The following ZNRF2 variants were observed in gnomAD, a reference collection of about 807,000 sequenced individuals.
The protein encoded by ZNRF2 is E3 ubiquitin-protein ligase ZNRF2.
A neutral mutation model predicts 20.4 loss-of-function variants in ZNRF2; 16 were observed. The observed-to-expected ratio is 0.79, with a 90% CI of 0.53 to 1.19. ZNRF2 has a LOEUF of 1.19. Ranked by LOEUF, ZNRF2 falls within the 50% of genes most tolerant of loss-of-function variation. The pLI is 0.00. For missense variants in ZNRF2, 363 were observed against 332.4 expected, an observed-to-expected ratio of 1.09 and a Z score of -0.72; for synonymous variants, 178 against 144.9, an observed-to-expected ratio of 1.23 and a Z score of -1.64.
At chr7:30,333,755 G>T (rs1027384744) in intron 2 of ZNRF2, among the ~76,000 whole-genome samples, 10 of 152,188 alleles carry the variant, frequency 6.6e-5, no homozygotes, top group African/African-American at 2.4e-4. Flanking sequence ...CTGATGATTA[G>T]TGGTGATAAA....
intron 1 of ZNRF2, among the ~76,000 whole-genome samples, chr7:30,290,974 A>G (rs1798896581): frequency 6.6e-6 from 1 of 152,236 alleles, no homozygotes; most frequent in Admixed American, 6.5e-5. Flanking sequence ...TGTGATCATT[A>G]TACAATGCAA....
rs556478659 is a variant in ZNRF2 at position 30,324,425 on chromosome 7, T to C, written c.565+688T>C. On this transcript the variant is annotated intron_variant, in intron 2 of 4. Transcript: ENST00000323037. ...TTAGCTGGGTGTGGTGGTGCACACC[T>C]GAAATCCTAGCTACTCGGGAGGCTG... Among the ~76,000 whole-genome samples, 606 of 151,188 alleles carry C rather than the reference T, an allele frequency of 4.0e-3. 4 individuals are homozygous for C. In the Middle Eastern group the frequency reaches 0.048, roughly 12 times the overall value.
intron 1 of ZNRF2, among the ~76,000 whole-genome samples, chr7:30,308,406 T>C (rs1799241690): frequency 6.6e-6 from 1 of 152,230 alleles, no homozygotes; most frequent in African/African-American, 2.4e-5. Flanking sequence ...CACAGATTTC[T>C]TTAGGACAGT....
intron 1 of ZNRF2, among the ~76,000 whole-genome samples, chr7:30,296,560 C>T (rs1361813317): frequency 1.3e-5 from 2 of 152,126 alleles, no homozygotes; most frequent in African/African-American, 2.4e-5. Flanking sequence ...GCTTCAACAC[C>T]CTTCAGTCTG....
intron 1 of ZNRF2, among the ~76,000 whole-genome samples, chr7:30,323,309 T>C (rs1356720861): frequency 1.3e-5 from 2 of 152,188 alleles, no homozygotes; most frequent in Non-Finnish European, 2.9e-5. Flanking sequence ...ACAAAGCTTG[T>C]AATAACATGA....
intron 1 of ZNRF2, among the ~76,000 whole-genome samples, chr7:30,298,540 C>T (rs1251777938): frequency 1.3e-5 from 2 of 152,172 alleles, no homozygotes; most frequent in African/African-American, 2.4e-5. Flanking sequence ...AATACACAAT[C>T]GTTTATGCTA....
At chr7:30,362,935 G>T (rs1417525260) in intron 4 of ZNRF2, among the ~76,000 whole-genome samples, 1 of 152,062 alleles carries the variant, frequency 6.6e-6, no homozygotes, top group African/African-American at 2.4e-5. Context: ...TGGCTAACAC[G>T]GTGAAACCCC....
intron 2 of ZNRF2, among the ~76,000 whole-genome samples, chr7:30,336,738 G>C (rs1474371563): frequency 3.9e-5 from 6 of 152,082 alleles, no homozygotes; most frequent in Non-Finnish European, 7.4e-5. Context: ...AGAGAAAGCT[G>C]TCCATACTTC....
At chr7:30,317,741 A>G (rs1167117479) in intron 1 of ZNRF2, among the ~76,000 whole-genome samples, 1 of 152,220 alleles carries the variant, frequency 6.6e-6, no homozygotes, top group African/African-American at 2.4e-5. Context: ...GGCACTTTTG[A>G]TGTCTTTCCA....
At chr7:30,349,407 T>C (rs541870841) in intron 2 of ZNRF2, among the ~76,000 whole-genome samples, 6 of 152,258 alleles carry the variant, frequency 3.9e-5, no homozygotes, top group Admixed American at 6.5e-5. Flanking sequence ...TCAGACTCCC[T>C]TCTTGCGAAT....
intron 4 of ZNRF2, among the ~76,000 whole-genome samples, chr7:30,363,086 A>C (rs1002259188): frequency 1.3e-5 from 2 of 152,086 alleles, no homozygotes; most frequent in Admixed American, 1.3e-4. Flanking sequence ...GTGCCACTGC[A>C]CTCTAGCCTG....
At chr7:30,323,231 T>C (rs568345027) in intron 1 of ZNRF2, among the ~76,000 whole-genome samples, 27 of 151,650 alleles carry the variant, frequency 1.8e-4, no homozygotes, top group Non-Finnish European at 3.8e-4. Flanking sequence ...TGTTTAGCTA[T>C]AAAACTTGTG....
intron 1 of ZNRF2, among the ~76,000 whole-genome samples, chr7:30,307,950 G>A (rs1460668642): frequency 3.9e-5 from 6 of 152,086 alleles, no homozygotes; most frequent in East Asian, 3.8e-4. Context: ...AAATGGAAGA[G>A]TAGAGTTAGA....
chr7:30,337,622 G>A (rs577940697), intron 2 of ZNRF2, among the ~76,000 whole-genome samples: 88 of 152,122 alleles, frequency 5.8e-4, no homozygotes, highest in Non-Finnish European at 3.1e-4. Context: ...CTATTCGTTC[G>A]TACAAACATG....
intron 1 of ZNRF2, among the ~76,000 whole-genome samples, chr7:30,320,944 A>G (rs1258321558): frequency 3.3e-5 from 5 of 152,194 alleles, no homozygotes; most frequent in African/African-American, 1.2e-4. Flanking sequence ...TTAATAGTCA[A>G]GGATTTTGAT....
Position 30,318,310 on chromosome 7 carries a change from A to G in ZNRF2, c.470-5332A>G, listed in dbSNP as rs911231033. Among the ~76,000 whole-genome samples, 5 of 152,276 alleles carry G rather than the reference A, an allele frequency of 3.3e-5. 1 individual carries two copies. The Middle Eastern group carries it at 0.01, about 311-fold the overall frequency. ...TGGTTACCTTTATTTCTCTTTGGAT[A>G]TAGTGATTGAGAGGATCAGTTCTTC... On this transcript the variant is annotated intron_variant, in intron 1 of 4. Transcript: ENST00000323037.
Position 30,285,467 on chromosome 7 carries a change from G to A in ZNRF2, c.110G>A (p.Gly37Asp). The A allele has an allele frequency of 8.9e-7, 1 of 1,121,236 alleles. No homozygotes were observed. The highest frequency in any genetic ancestry group is 2.4e-5 in the South Asian group (1 of 41,780). The allele number at this position is 1,121,236 out of a possible 1,614,324, so 69.5% of individuals were successfully genotyped here. ...SSGGANGTAG[G>D]GGGARAAAAG... Reference sequence around the variant, plus strand: ...GGAGGCGCCAATGGGACCGCGGGCGGCGGCGGGGGCGCTCGGGCCGCCGCC... The same window carrying A: ...GGAGGCGCCAATGGGACCGCGGGCGACGGCGGGGGCGCTCGGGCCGCCGCC... The change falls in exon 1 of 5, where the codon GGC becomes GAC. Residue 37 changes from glycine to aspartate, a missense_variant. Gly to Asp is a moderately conservative substitution (Grantham distance 94, BLOSUM62 -1). Coordinates refer to ENST00000323037, the MANE Select transcript of ZNRF2 (RefSeq NM_147128.4).
At chr7:30,286,410 C>T (rs1357199224) in intron 1 of ZNRF2, among the ~76,000 whole-genome samples, 5 of 152,204 alleles carry the variant, frequency 3.3e-5, no homozygotes, top group African/African-American at 1.2e-4. Flanking sequence ...TAAACTGCTA[C>T]TTAAGATCAC....
intron 1 of ZNRF2, among the ~76,000 whole-genome samples, chr7:30,312,680 AT>A (rs779423127): frequency 3.3e-5 from 5 of 152,188 alleles, no homozygotes; most frequent in African/African-American, 4.8e-5. Context: ...ATTATTCCTT[AT>A]GTTTTTTAGT....
Sources: allele counts gnomAD v4.1 joint callset (sites outside exome capture counted in the v4.1 genomes callset), GRCh38; gene constraint gnomAD v4.1.1; transcripts MANE v1.5; gene names NCBI Gene and HGNC (gene_info 2026-07-23, HGNC 2026-07-21).